RARS1: variants seen among roughly 807,000 people sequenced by gnomAD.
The protein encoded by RARS1 is arginine--tRNA ligase, cytoplasmic.
In RARS1, 75 loss-of-function variants were observed where a neutral mutation model predicts 78.7. The ratio of observed to expected loss-of-function variants is 0.95; its 90% confidence interval spans 0.79 to 1.15. The LOEUF is 1.15. RARS1 is among the 50% of genes most tolerant of loss of function. The pLI is 0.00. For missense variants in RARS1, 787 were observed against 787.5 expected (o/e 1.00, Z 0.01); for synonymous variants, 273 against 268.2 (o/e 1.02, Z -0.18).
At chr5:168,516,350 C>G in intron 12 of RARS1, among the ~76,000 whole-genome samples, 1 of 152,260 alleles carries the variant, frequency 6.6e-6, no homozygotes, top group East Asian at 1.9e-4. Flanking sequence ...GTTCTTTTAT[C>G]TACTCTTAAT....
rs34271397 is a variant in RARS1 at position 168,502,568 on chromosome 5, AT to A, written c.1057+483del. Reference sequence around the variant, plus strand: ...TCAAATTTCCCAAGTTGATTCATGAATTTTTTTTTTTTTTTTTTTTGGAAAC... The same window carrying A: ...TCAAATTTCCCAAGTTGATTCATGAATTTTTTTTTTTTTTTTTTTGGAAAC... On this transcript the variant is annotated intron_variant, in intron 9 of 14. Transcript: ENST00000231572. Among the ~76,000 whole-genome samples the A allele has an allele frequency of 6.7e-3, 813 of 121,184 alleles. 4 individuals are homozygous for A. Among genetic ancestry groups the A allele is most frequent in the African/African-American group, 0.019 (622 of 32,978 alleles). The allele number at this position is 121,184 out of a possible 152,430, so 79.5% of individuals were successfully genotyped here.
chr5:168,509,443 C>G (rs1041580972), intron 11 of RARS1, among the ~76,000 whole-genome samples: 1 of 109,998 alleles, frequency 9.1e-6, no homozygotes, highest in Non-Finnish European at 2.3e-5. Flanking sequence ...TAAACACCCC[C>G]CCCCCCCCAC....
In RARS1 at chr5:168,492,796, G is replaced by C. The variant is rs765148736; in HGVS notation, c.318G>C (p.Gln106His). The C allele has an allele frequency of 1.3e-5, 21 of 1,613,880 alleles. No homozygotes were observed. Among genetic ancestry groups the C allele is most frequent in the Middle Eastern group, 1.7e-4 (1 of 6,060 alleles). ...CTCCTCTGCTAGTGACACCAAGTCA[G>C]CAGGCCAAGTTTGGGGACTATCAGT... ...ENPPLLVTPS[Q>H]QAKFGDYQCN... Residue 106 changes from glutamine to histidine, a missense_variant, in exon 3 of 15, where the codon CAG becomes CAC. Gln to His is a conservative substitution (Grantham distance 24, BLOSUM62 0). Transcript: ENST00000231572.
intron 2 of RARS1, among the ~76,000 whole-genome samples, chr5:168,490,115 C>T (rs1758051099): frequency 6.6e-6 from 1 of 152,104 alleles, no homozygotes; most frequent in East Asian, 1.9e-4. Flanking sequence ...TGCCCGGTGT[C>T]CATATTTCCT....
At chr5:168,496,862 ATGTTAAAT>A (rs1758203199) in intron 6 of RARS1, 1 of 163,520 alleles carries the variant, frequency 6.1e-6, no homozygotes, top group Non-Finnish European at 1.3e-5. Context: ...AATGGTTAAA[ATGTTAAAT>A]TTTCATAAAA....
chr5:168,507,788 C>G (rs1452391511), intron 11 of RARS1, among the ~76,000 whole-genome samples: 1 of 151,806 alleles, frequency 6.6e-6, no homozygotes, highest in African/African-American at 2.4e-5. Flanking sequence ...GCCTGTAATT[C>G]CAGCACTTTA....
At chr5:168,492,033 A>C (rs1474827248) in intron 2 of RARS1, among the ~76,000 whole-genome samples, 2 of 149,232 alleles carry the variant, frequency 1.3e-5, no homozygotes, top group African/African-American at 5.0e-5. Context: ...GCCATGAATT[A>C]AGCACTTTGT....
chr5:168,511,076 C>T (rs2152905935), intron 12 of RARS1, among the ~76,000 whole-genome samples: 1 of 152,246 alleles, frequency 6.6e-6, no homozygotes, highest in African/African-American at 2.4e-5. Flanking sequence ...GTTCTTGCCA[C>T]CCAAGGCCAT....
chr5:168,488,136 C>CT (rs752367166), intron 1 of RARS1: 488 of 363,716 alleles, frequency 1.3e-3, no homozygotes, highest in Middle Eastern at 1.9e-3. Flanking sequence ...TTTTCTTTTT[C>CT]TTTTTTTTTG....
At chr5:168,509,612 T>A (rs1207140406) in intron 11 of RARS1, among the ~76,000 whole-genome samples, 1 of 152,002 alleles carries the variant, frequency 6.6e-6, no homozygotes, top group Non-Finnish European at 1.5e-5. Context: ...TTGCAGTAGA[T>A]CTGAACGGGG....
chr5:168,517,666 T>G, intron 13 of RARS1, 149 bp from the exon 14 acceptor site: 2 of 1,010,968 alleles, frequency 2.0e-6, no homozygotes, highest in Non-Finnish European at 2.7e-6. Context: ...GATCTGGCTA[T>G]TAGTTTTGCC....
Position 168,514,914 on chromosome 5 carries a change from G to T in RARS1, c.1453-1864G>T, listed in dbSNP as rs567281458. On this transcript the variant is annotated intron_variant, in intron 12 of 14. Coordinates refer to ENST00000231572, the MANE Select transcript of RARS1 (RefSeq NM_002887.4). ...GTTTTTTTGGAATATCACTTAGTTG[G>T]ATTTGTCTGATATTGGCTCCTGTTC... Among the ~76,000 whole-genome samples the T allele has an allele frequency of 9.7e-4, 147 of 152,232 alleles. 1 individual carries two copies. The highest frequency in any genetic ancestry group is 2.2e-3 in the Admixed American group (33 of 15,290).
intron 2 of RARS1, among the ~76,000 whole-genome samples, chr5:168,492,075 T>C (rs889602025): frequency 3.3e-5 from 5 of 151,252 alleles, no homozygotes; most frequent in Non-Finnish European, 7.4e-5. Context: ...TAGAGACAGA[T>C]AGTTTTGTGA....
chr5:168,507,817 A>G (rs770678004), intron 11 of RARS1, among the ~76,000 whole-genome samples: 3 of 149,588 alleles, frequency 2.0e-5, no homozygotes, highest in Non-Finnish European at 4.4e-5. Context: ...ATGCTGGAGG[A>G]TTGTGTGAGC....
intron 1 of RARS1, 183 bp from the exon 2 acceptor site, chr5:168,488,419 T>TGCCTGG (rs1681099552): frequency 1.6e-6 from 1 of 633,010 alleles, no homozygotes; most frequent in East Asian, 3.2e-5. Context: ...TGAGCCACCA[T>TGCCTGG]GCCTGGCCAA....
chr5:168,490,414 C>T (rs967445533), intron 2 of RARS1, among the ~76,000 whole-genome samples: 1 of 151,880 alleles, frequency 6.6e-6, no homozygotes, highest in African/African-American at 2.4e-5. Flanking sequence ...GTAATCCTCC[C>T]ACCTCAGCCT....
At chr5:168,513,675 C>G (rs1278192680) in intron 12 of RARS1, among the ~76,000 whole-genome samples, 1 of 152,068 alleles carries the variant, frequency 6.6e-6, no homozygotes, top group Non-Finnish European at 1.5e-5. Flanking sequence ...TGTGAAGAGT[C>G]TGTTAACTCT....
chr5:168,488,491 A>G, intron 1 of RARS1, 111 bp from the exon 2 acceptor site: 1 of 1,188,206 alleles, frequency 8.4e-7, no homozygotes, highest in Non-Finnish European at 1.2e-6. Context: ...AAAGAAACAC[A>G]GCTCATCAAA....
intron 9 of RARS1, among the ~76,000 whole-genome samples, chr5:168,505,694 CA>C (rs1316120451): frequency 8.3e-6 from 1 of 121,032 alleles, no homozygotes; most frequent in Non-Finnish European, 1.6e-5. Context: ...GGCAACGTAG[CA>C]AGACTGTGTA....
Sources: gnomAD v4.1 joint callset for allele counts (sites outside exome capture counted in the v4.1 genomes callset) on GRCh38, gnomAD v4.1.1 for gene constraint, MANE v1.5 for transcripts, NCBI Gene and HGNC (gene_info 2026-07-23, HGNC 2026-07-21) for gene names.